The following LYAR variants were observed in gnomAD, a reference collection of about 807,000 sequenced individuals.
LYAR encodes the protein cell growth-regulating nucleolar protein.
In LYAR, 37 loss-of-function variants were observed where a neutral mutation model predicts 45.2. The observed-to-expected ratio is 0.82, with a 90% CI of 0.63 to 1.08. The LOEUF (loss-of-function observed/expected upper bound fraction) is 1.08, where lower values mean the gene tolerates loss of function less well. Among genes scored for constraint, LYAR ranks in the 50% least tolerant of loss-of-function variants. The pLI is 0.00. For synonymous variants in LYAR, 176 were observed against 155.1 expected (o/e 1.14, Z -1.00); for missense variants, 493 against 451.0 (o/e 1.09, Z -0.84).
In LYAR at chr4:4,274,490, C is replaced by T. The variant is rs200321202; in HGVS notation, c.709G>A (p.Glu237Lys). 344 of 1,614,218 alleles carry T rather than the reference C, an allele frequency of 2.1e-4. 1 individual carries two copies. The East Asian group carries it at 5.4e-3, about 25-fold the overall frequency. Reference sequence around the variant, plus strand: ...GCAGAGCCATTGGCCTCAGGGACTTCCTCCCCACCAGCCTCAAGGTCAGCC... The same window carrying T: ...GCAGAGCCATTGGCCTCAGGGACTTTCTCCCCACCAGCCTCAAGGTCAGCC... ...QEADLEAGGE[E>K]VPEANGSAGK... The change falls in exon 7 of 10, where the codon GAA (glutamate) becomes AAA (lysine). Residue 237 changes from glutamate to lysine, a missense_variant. Glu to Lys is a moderately conservative substitution (Grantham distance 56). Transcript: ENST00000343470.
At chr4:4,279,619 C>T (rs1487733768) in intron 5 of LYAR, 23 bp downstream of exon 5, 4 of 1,588,640 alleles carry the variant, frequency 2.5e-6, no homozygotes, top group Non-Finnish European at 3.5e-6. Context: ...CGGCCCCCTC[C>T]ATTCAAGAAA....
At chr4:4,287,242 A>G (rs1227373220) in intron 1 of LYAR, among the ~76,000 whole-genome samples, 2 of 152,248 alleles carry the variant, frequency 1.3e-5, no homozygotes, top group South Asian at 2.1e-4. Flanking sequence ...TGCGCATGTT[A>G]AAAGAGAAAG....
chr4:4,268,648 C>T (rs76941981), intron 8 of LYAR, 33 bp from the exon 9 acceptor site: 61 of 1,423,496 alleles, frequency 4.3e-5, no homozygotes, highest in African/African-American at 3.2e-4. Flanking sequence ...TAAGACATTT[C>T]GTTTTGTTGT....
intron 8 of LYAR, among the ~76,000 whole-genome samples, chr4:4,272,479 T>C (rs1306437387): frequency 1.3e-5 from 2 of 152,186 alleles, no homozygotes; most frequent in Non-Finnish European, 2.9e-5. Context: ...GCTCCACTTA[T>C]AAATGAGGCA....
chr4:4,274,038 A>C (rs1719066507), intron 7 of LYAR, among the ~76,000 whole-genome samples: 1 of 152,208 alleles, frequency 6.6e-6, no homozygotes, highest in African/African-American at 2.4e-5. Context: ...GGAGTCCGAG[A>C]CCAGCCAGGC....
At chr4:4,278,320 G>A (rs1287955116) in intron 6 of LYAR, among the ~76,000 whole-genome samples, 4 of 152,138 alleles carry the variant, frequency 2.6e-5, no homozygotes, top group Non-Finnish European at 5.9e-5. Flanking sequence ...GACCAGTGGG[G>A]TTCTGACCCC....
intron 4 of LYAR, 89 bp from the exon 5 acceptor site, chr4:4,279,838 TAA>T: frequency 2.5e-6 from 2 of 809,974 alleles, no homozygotes. Flanking sequence ...TTGCCATGGC[TAA>T]AGCGTTCACG....
At chr4:4,282,955 G>C (rs1284226935) in intron 3 of LYAR, among the ~76,000 whole-genome samples, 2 of 152,134 alleles carry the variant, frequency 1.3e-5, no homozygotes, top group Non-Finnish European at 2.9e-5. Flanking sequence ...ATGGGCATGT[G>C]ATACCCATGG....
chr4:4,268,696 T>G, intron 8 of LYAR, 81 bp from the exon 9 acceptor site: 1 of 858,404 alleles, frequency 1.2e-6, no homozygotes, highest in Non-Finnish European at 1.9e-6. Context: ...CTGCAACACC[T>G]ATTTGCTTCC....
chr4:4,283,534 C>T (rs1719485985), intron 3 of LYAR, 87 bp downstream of exon 3: 1 of 1,382,446 alleles, frequency 7.2e-7, no homozygotes, highest in South Asian at 1.3e-5. Flanking sequence ...TTCAAATTTG[C>T]CACTATTTTT....
chr4:4,270,292 T>C (rs1176220996), intron 8 of LYAR, among the ~76,000 whole-genome samples: 2 of 142,856 alleles, frequency 1.4e-5, no homozygotes, highest in African/African-American at 5.2e-5. Flanking sequence ...AAAAAAGTTA[T>C]CCATTAAGAT....
At chr4:4,283,094 C>T (rs1375763476) in intron 3 of LYAR, among the ~76,000 whole-genome samples, 4 of 152,176 alleles carry the variant, frequency 2.6e-5, no homozygotes, top group Non-Finnish European at 4.4e-5. Flanking sequence ...ATCATAATTC[C>T]CCTTCCCCTA....
In LYAR at chr4:4,267,702, T is replaced by G. The variant is rs1718768623; in HGVS notation, c.*187A>C. On this transcript the variant is annotated 3_prime_UTR_variant, in exon 10 of 10. Coordinates refer to ENST00000343470, the MANE Select transcript of LYAR (RefSeq NM_017816.3). Reference sequence around the variant, plus strand: ...TTCAGTAATTTTTGCCACAACAAATTTAGAAGTTTGGACCAGAATATATTT... The same window carrying G: ...TTCAGTAATTTTTGCCACAACAAATGTAGAAGTTTGGACCAGAATATATTT... The G allele has an allele frequency of 4.3e-6, 2 of 470,202 alleles. No individual in the cohort carries two copies. Among genetic ancestry groups the G allele is most frequent in the Non-Finnish European group, 7.1e-6 (2 of 283,194 alleles). The allele number at this position is 470,202 out of a possible 1,614,324, so 29.1% of individuals were successfully genotyped here.
At chr4:4,269,157 C>T (rs1011875923) in intron 8 of LYAR, among the ~76,000 whole-genome samples, 1 of 152,078 alleles carries the variant, frequency 6.6e-6, no homozygotes, top group African/African-American at 2.4e-5. Context: ...GCTGGGACCT[C>T]GGGGCCTGCA....
Position 4,273,599 on chromosome 4 carries a change from ATCG to A in LYAR, c.900_902del (p.Asp301del). The A allele has an allele frequency of 6.2e-7, 1 of 1,613,356 alleles. No homozygotes were observed. Among genetic ancestry groups the A allele is most frequent in the Non-Finnish European group, 8.5e-7 (1 of 1,179,464 alleles). On this transcript the variant is annotated inframe_deletion, in exon 8 of 10. Transcript: ENST00000343470. ...GTGATATACCTTTTGCAGGAGCCTCATCGTCTTCTGGTTCTCCGCCCTCAGGAT... is the reference window on the plus strand; with the variant it reads ...GTGATATACCTTTTGCAGGAGCCTCATCTTCTGGTTCTCCGCCCTCAGGAT...
chr4:4,286,179 G>A (rs1004785920), intron 2 of LYAR, among the ~76,000 whole-genome samples: 5 of 152,178 alleles, frequency 3.3e-5, no homozygotes, highest in African/African-American at 1.2e-4. Context: ...TGGCTAATGA[G>A]CTAATGTCTG....
intron 9 of LYAR, among the ~76,000 whole-genome samples, 160 bp from the exon 10 acceptor site, chr4:4,268,183 G>A (rs866056606): frequency 6.6e-6 from 1 of 152,116 alleles, no homozygotes; most frequent in African/African-American, 2.4e-5. Context: ...CGGCAGCCAC[G>A]TGCAGGGGTT....
chr4:4,274,498 C>T lies in LYAR; in HGVS notation c.701G>A (p.Gly234Asp), dbSNP rs752849898. The T allele has an allele frequency of 3.7e-6, 6 of 1,614,222 alleles. No homozygotes were observed. The highest frequency in any genetic ancestry group is 5.1e-6 in the Non-Finnish European group (6 of 1,180,042). Reference sequence around the variant, plus strand: ...ATTGGCCTCAGGGACTTCCTCCCCACCAGCCTCAAGGTCAGCCTCCTGTCC... The same window carrying T: ...ATTGGCCTCAGGGACTTCCTCCCCATCAGCCTCAAGGTCAGCCTCCTGTCC... The part of the protein sequence containing the change: ...KKGQEADLEA[G>D]GEEVPEANGS... Residue 234 changes from glycine to aspartate, a missense_variant, in exon 7 of 10, where the codon GGT (glycine) becomes GAT (aspartate). Transcript: ENST00000343470.
chr4:4,267,762 T>G lies in LYAR; in HGVS notation c.*127A>C. 1 of 620,660 alleles carries G rather than the reference T, an allele frequency of 1.6e-6. No individual in the cohort carries two copies. Among genetic ancestry groups the G allele is most frequent in the Non-Finnish European group, 2.5e-6 (1 of 407,158 alleles). 38.4% of individuals were successfully genotyped at this position (620,660 alleles called of 1,614,324 possible). ...CATAAAAGTTATACCAAAAATATAT[T>G]TTCTTAACTTAAAAATACAGCTTCA... On this transcript the variant is annotated 3_prime_UTR_variant, in exon 10 of 10. Coordinates refer to ENST00000343470, the MANE Select transcript of LYAR (RefSeq NM_017816.3).
Sources: gnomAD v4.1 joint callset for allele counts (sites outside exome capture counted in the v4.1 genomes callset) on GRCh38, gnomAD v4.1.1 for gene constraint, MANE v1.5 for transcripts, NCBI Gene and HGNC (gene_info 2026-07-23, HGNC 2026-07-21) for gene names.